Variants in DOCK3 observed in about 807,000 individuals in gnomAD.
DOCK3 encodes the protein dedicator of cytokinesis protein 3.
Under a neutral mutation model 265.6 loss-of-function variants are expected in DOCK3, and 60 were observed. The ratio of observed to expected loss-of-function variants is 0.23; its 90% CI spans 0.18 to 0.28. The LOEUF (loss-of-function observed/expected upper bound fraction) is 0.28, where lower values mean the gene tolerates loss of function less well. Among genes scored for constraint, DOCK3 ranks in the 10% least tolerant of loss-of-function variants. DOCK3 has a pLI of 1.00. For synonymous variants in DOCK3, 881 were observed against 938.0 expected, an observed-to-expected ratio of 0.94 and a Z score of 1.11; for missense variants, 1,981 against 2,594.3, an observed-to-expected ratio of 0.76 and a Z score of 5.14.
In DOCK3 at chr3:51,376,063, C is replaced by A. The variant is rs3749316; in HGVS notation, c.5500+228C>A. On this transcript the variant is annotated intron_variant, in intron 51 of 52. Transcript: ENST00000266037. ...TTCCTCAGGGCCTACCCTCAGAGGT[C>A]CCAACTGCCTCCTGCCCTGAGCCCA... 0.16 allele frequency among the ~76,000 whole-genome samples: 25,052 copies of A among 152,166 alleles called. 2,449 individuals carry two copies. The highest frequency in any genetic ancestry group is 0.34 in the South Asian group (1,646 of 4,816).
chr3:50,759,671 T>TAA (rs35332441), intron 1 of DOCK3, among the ~76,000 whole-genome samples: 2 of 118,704 alleles, frequency 1.7e-5, no homozygotes, highest in Admixed American at 9.0e-5. Context: ...ACCCCGTCTC[T>TAA]AAAAAAAAAA....
intron 2 of DOCK3, among the ~76,000 whole-genome samples, chr3:50,819,538 G>A (rs2044283493): frequency 6.6e-6 from 1 of 152,174 alleles, no homozygotes; most frequent in Non-Finnish European, 1.5e-5. Flanking sequence ...TCCGAAAGAA[G>A]CCAGTCAAAG....
chr3:50,770,763 C>T (rs1480197496), intron 1 of DOCK3, among the ~76,000 whole-genome samples: 1 of 152,132 alleles, frequency 6.6e-6, no homozygotes, highest in Non-Finnish European at 1.5e-5. Context: ...TAACCCTAAC[C>T]CTAACCGTAC....
At chr3:51,048,454 A>G (rs2080858726) in intron 5 of DOCK3, among the ~76,000 whole-genome samples, 1 of 152,240 alleles carries the variant, frequency 6.6e-6, no homozygotes, top group Non-Finnish European at 1.5e-5. Context: ...GTAATGAGAT[A>G]TCTTGGAGAT....
At chr3:51,333,430 T>C (rs2084660275) in intron 35 of DOCK3, among the ~76,000 whole-genome samples, 177 bp downstream of exon 35, 1 of 152,166 alleles carries the variant, frequency 6.6e-6, no homozygotes, top group Non-Finnish European at 1.5e-5. Context: ...ACAGAGACTT[T>C]TCCCAGGGGT....
intron 4 of DOCK3, among the ~76,000 whole-genome samples, chr3:50,921,974 G>C (rs1284816577): frequency 6.6e-6 from 1 of 152,128 alleles, no homozygotes; most frequent in Non-Finnish European, 1.5e-5. Flanking sequence ...TTACTGGGAG[G>C]TATCTCCCAG....
At chr3:50,734,806 T>C (rs1282165062) in intron 1 of DOCK3, among the ~76,000 whole-genome samples, 1 of 151,966 alleles carries the variant, frequency 6.6e-6, no homozygotes, top group East Asian at 1.9e-4. Context: ...GGTTTCACTG[T>C]GTTAGCCAGG....
At chr3:50,926,935 A>G (rs1267530112) in intron 4 of DOCK3, among the ~76,000 whole-genome samples, 1 of 152,186 alleles carries the variant, frequency 6.6e-6, no homozygotes, top group African/African-American at 2.4e-5. Flanking sequence ...TTCTTTAAAA[A>G]TATGTTAGAT....
At chr3:51,058,991 T>C (rs2081302437) in intron 5 of DOCK3, among the ~76,000 whole-genome samples, 1 of 152,152 alleles carries the variant, frequency 6.6e-6, no homozygotes, top group South Asian at 2.1e-4. Context: ...GTATGTTGCA[T>C]GATTCTGACA....
intron 3 of DOCK3, 27 bp downstream of exon 3, chr3:50,841,742 T>TTTTTTTCTTTTTTTTGAGACGGAGTCTCG: frequency 1.9e-6 from 1 of 525,634 alleles, no homozygotes; most frequent in Non-Finnish European, 3.1e-6. Context: ...TGTTACCTTT[T>TTTTTTTCTTTTTTTTGAGACGGAGTCTCG]CTAATGTAGG....
chr3:51,212,367 G>A (rs915203470), intron 13 of DOCK3, among the ~76,000 whole-genome samples: 1 of 151,322 alleles, frequency 6.6e-6, no homozygotes, highest in African/African-American at 2.4e-5. Flanking sequence ...AAAATGCAAA[G>A]ACAAAAGGCA....
rs530670286 is a variant in DOCK3, at chr3:51,071,797, G to A, written c.465-3559G>A. Among the ~76,000 whole-genome samples, 5 of 152,212 alleles carry A rather than the reference G, an allele frequency of 3.3e-5. No individual in the cohort carries two copies. In the East Asian group the frequency reaches 7.7e-4, roughly 24 times the overall value. ...CTGCATTCGATGTTCACTATTCTTC[G>A]AGTAAACCATAGGAAAAAATAGCCA... On this transcript the variant is annotated intron_variant, in intron 6 of 52. Coordinates refer to ENST00000266037, the MANE Select transcript of DOCK3 (RefSeq NM_004947.5).
chr3:50,929,290 G>T (rs1244548502), intron 4 of DOCK3, among the ~76,000 whole-genome samples: 1 of 152,086 alleles, frequency 6.6e-6, no homozygotes, highest in Non-Finnish European at 1.5e-5. Context: ...GTGGAACCAG[G>T]TCCTTCAACA....
Position 50,943,375 on chromosome 3 carries a change from G to A in DOCK3, c.315+9298G>A, listed in dbSNP as rs138139060. On this transcript the variant is annotated intron_variant, in intron 5 of 52. Coordinates refer to ENST00000266037, the MANE Select transcript of DOCK3 (RefSeq NM_004947.5). ...GCTATGGTCCAATTAAGACATTGAC[G>A]ATTAGTGCTTACATGTGAAGAGCCA... Among the ~76,000 whole-genome samples the A allele has an allele frequency of 3.1e-4, 47 of 151,992 alleles. 1 individual carries two copies. In the East Asian group the frequency reaches 5.4e-3, roughly 17 times the overall value.
At position 51,357,807 on chromosome 3, in the gene DOCK3, A is replaced by C; in HGVS notation, c.4733A>C (p.Lys1578Thr). The change falls in exon 45 of 53, where the codon AAG becomes ACG. Residue 1578 changes from lysine (K) to threonine (T), a missense_variant. By Grantham distance (78) the Lys-to-Thr change is moderately conservative. Around this residue, in one of 4 missense-constraint regions of DOCK3, gnomAD observed 1,357 missense variants for 1,866.8 expected, o/e 0.73. Coordinates refer to ENST00000266037, the MANE Select transcript of DOCK3 (RefSeq NM_004947.5). ...YINKHPGDAE[K>T]ITQLKELMQE... ...AACAAGCACCCAGGAGATGCTGAGA[A>C]GATCACCCAGCTCAAGGAGCTTATG... 1 of 1,614,020 alleles carries C rather than the reference A, an allele frequency of 6.2e-7. No homozygotes were observed.
chr3:51,176,543 A>G (rs921197445), intron 12 of DOCK3, among the ~76,000 whole-genome samples: 3 of 152,094 alleles, frequency 2.0e-5, no homozygotes, highest in Non-Finnish European at 4.4e-5. Context: ...GGAGAATGGC[A>G]TGAACTCAGG....
intron 51 of DOCK3, chr3:51,379,652 T>C: frequency 2.0e-6 from 2 of 983,100 alleles, no homozygotes; most frequent in Non-Finnish European, 2.4e-6. Flanking sequence ...CCATCTAAGC[T>C]GAGAAGATGG....
chr3:50,680,405 G>A (rs1258574595), intron 1 of DOCK3, among the ~76,000 whole-genome samples: 1 of 150,854 alleles, frequency 6.6e-6, no homozygotes, highest in Non-Finnish European at 1.5e-5. Context: ...GTAGAGACGG[G>A]GTTTCACCAT....
At chr3:51,365,526 G>A (rs2087082095) in intron 49 of DOCK3, among the ~76,000 whole-genome samples, 1 of 152,170 alleles carries the variant, frequency 6.6e-6, no homozygotes, top group African/African-American at 2.4e-5. Context: ...ACACTATGTT[G>A]AATAGGAGTG....
Sources: allele counts gnomAD v4.1 joint callset (sites outside exome capture counted in the v4.1 genomes callset), GRCh38; gene constraint gnomAD v4.1.1; regional missense constraint gnomAD v4.1.1; transcripts MANE v1.5; gene names NCBI Gene and HGNC (gene_info 2026-07-23, HGNC 2026-07-21).